Variants in TRIOBP observed in about 807,000 individuals in gnomAD.
The protein encoded by TRIOBP is TRIO and F-actin binding protein.
In TRIOBP, 169 loss-of-function variants were observed where a neutral mutation model predicts 238.8. The observed-to-expected ratio is 0.71, with a 90% CI of 0.62 to 0.80. The LOEUF is 0.80. Among genes scored for constraint, TRIOBP ranks in the 30% least tolerant of loss-of-function variants. The probability of loss-of-function intolerance (pLI) is 0.00; values close to 1 mark genes in which losing one functional copy is unlikely to be tolerated. For missense variants in TRIOBP, 2,838 were observed against 3,122.6 expected, an observed-to-expected ratio of 0.91 and a Z score of 2.17; for synonymous variants, 1,150 against 1,274.4, an observed-to-expected ratio of 0.90 and a Z score of 2.08.
Position 37,734,873 on chromosome 22 carries a change from A to G in TRIOBP, c.4537A>G (p.Thr1513Ala), listed in dbSNP as rs1924591579. 2 of 1,612,936 alleles carry G rather than the reference A, an allele frequency of 1.2e-6. No homozygotes were observed. Among genetic ancestry groups the G allele is most frequent in the Non-Finnish European group, 1.7e-6 (2 of 1,179,988 alleles). The change falls in exon 9 of 24, where the codon ACG becomes GCG. Residue 1513 changes from threonine to alanine, a missense_variant. By Grantham distance (58) the Thr-to-Ala change is moderately conservative (BLOSUM62 0). Coordinates refer to ENST00000644935, the MANE Select transcript of TRIOBP (RefSeq NM_001039141.3). ...AGAACTAGGAAAGAGAAGCCCACTC[A>G]CGAGCCCCCCTGAGAACTGGGGAGG... is the stretch of plus-strand genomic sequence containing the variant. The part of the protein sequence containing the change: ...PRELGKRSPL[T>A]SPPENWGGPA...
chr22:37,763,214 A>G (rs1905176446), intron 17 of TRIOBP, among the ~76,000 whole-genome samples: 1 of 152,126 alleles, frequency 6.6e-6, no homozygotes, highest in Non-Finnish European at 1.5e-5. Context: ...CTCTGTGCAC[A>G]GGGTTCCCGT....
rs1925874173 is a variant in TRIOBP at position 37,755,550 on chromosome 22, A to G, written c.5578A>G (p.Thr1860Ala). The change falls in exon 15 of 24, where the codon ACC becomes GCC. Residue 1860 changes from threonine (T) to alanine (A), a missense_variant and splice_region_variant. This residue lies in a region of TRIOBP where 2,096 missense variants were observed against 2,137.4 expected (regional missense o/e 0.98). Transcript: ENST00000644935. The part of the protein sequence containing the change: ...VQRNYGFQIH[T>A]KDAVYTLSAM... Reference sequence around the variant, plus strand: ...ACCTACCCATGCGGTGGCCTTGCAGACCAAGGATGCTGTCTATACCTTGTC... The same window carrying G: ...ACCTACCCATGCGGTGGCCTTGCAGGCCAAGGATGCTGTCTATACCTTGTC... The G allele has an allele frequency of 6.2e-7, 1 of 1,613,728 alleles. No homozygotes were observed. The highest frequency in any genetic ancestry group is 1.7e-5 in the Admixed American group (1 of 60,028).
chr22:37,734,839 G>A lies in TRIOBP; in HGVS notation c.4503G>A (p.Glu1501=). Residue 1501 remains glutamate (E), a synonymous_variant, in exon 9 of 24, where the codon GAG becomes GAA. Transcript: ENST00000644935. ...PEAWEEKPTH[E]LPRELGKRSP... The stretch of plus-strand genomic sequence containing the variant: ...CCTGGGAGGAGAAGCCCACTCATGA[G>A]CTCCCCAGAGAACTAGGAAAGAGAA... 1 of 1,612,716 alleles carries A rather than the reference G, an allele frequency of 6.2e-7. No individual in the cohort carries two copies. Among genetic ancestry groups the A allele is most frequent in the East Asian group, 2.2e-5 (1 of 44,874 alleles).
chr22:37,755,213 G>A (rs571834331), intron 14 of TRIOBP, 23 bp downstream of exon 14: 148 of 1,602,784 alleles, frequency 9.2e-5, no homozygotes, highest in Non-Finnish European at 1.2e-4. Context: ...GCAGCTTGGG[G>A]GCTGGTGGTG....
At position 37,738,830 on chromosome 22, in the gene TRIOBP, C is replaced by T. The variant is rs950898473; in HGVS notation, c.5184+111C>T. The T allele has an allele frequency of 7.7e-6, 9 of 1,165,832 alleles. No homozygotes were observed. The African/African-American group carries it at 1.4e-4, about 18-fold the overall frequency. The allele number at this position is 1,165,832 out of a possible 1,614,324, so 72.2% of individuals were successfully genotyped here. On this transcript the variant is annotated intron_variant, in intron 10 of 23. Coordinates refer to ENST00000644935, the MANE Select transcript of TRIOBP (RefSeq NM_001039141.3). Reference sequence around the variant, plus strand: ...CTAGAATCAACCAGACCAAAGTTGGCATTGCCATGGGGTCATCTATGTGCA... The same window carrying T: ...CTAGAATCAACCAGACCAAAGTTGGTATTGCCATGGGGTCATCTATGTGCA...
intron 11 of TRIOBP, chr22:37,751,123 C>T: frequency 2.3e-6 from 1 of 435,652 alleles, no homozygotes; most frequent in Non-Finnish European, 4.7e-6. Flanking sequence ...GGGTGCCTGG[C>T]ACAGGTCTCC....
Position 37,711,609 on chromosome 22 carries a change from CAAA to C in TRIOBP, c.254+1050_254+1052del, listed in dbSNP as rs1194726816. On this transcript the variant is annotated intron_variant, in intron 4 of 23. Transcript: ENST00000644935. ...AAAAAAAAACAACAAAAAAAAAAAACAAAAAAAAACCCACAAAAAAACGAAAAA... is the reference window on the plus strand; with the variant it reads ...AAAAAAAAACAACAAAAAAAAAAAACAAAAAACCCACAAAAAAACGAAAAA... Among the ~76,000 whole-genome samples, 97 of 128,232 alleles carry C rather than the reference CAAA, an allele frequency of 7.6e-4. 2 individuals carry two copies. In the Middle Eastern group the frequency reaches 0.015, roughly 20 times the overall value. The allele number at this position is 128,232 out of a possible 152,430, so 84.1% of individuals were successfully genotyped here.
intron 11 of TRIOBP, among the ~76,000 whole-genome samples, chr22:37,745,837 T>C (rs1925195916): frequency 6.6e-6 from 1 of 152,190 alleles, no homozygotes; most frequent in Non-Finnish European, 1.5e-5. Context: ...CGCCGAGCCC[T>C]AGCGGACCCA....
chr22:37,762,082 T>A (rs1275315664), intron 17 of TRIOBP, among the ~76,000 whole-genome samples: 1 of 152,142 alleles, frequency 6.6e-6, no homozygotes, highest in Non-Finnish European at 1.5e-5. Flanking sequence ...TTATTTTAAT[T>A]TTTTTAGAGA....
intron 21 of TRIOBP, among the ~76,000 whole-genome samples, 189 bp from the exon 22 acceptor site, chr22:37,771,461 G>A (rs1436655387): frequency 1.3e-5 from 2 of 152,152 alleles, no homozygotes; most frequent in African/African-American, 4.8e-5. Context: ...GTGAGAGTAA[G>A]GGAAGGCAAA....
Position 37,731,314 on chromosome 22 carries a change from T to A in TRIOBP, c.3948-1984T>A, listed in dbSNP as rs114294257. Among the ~76,000 whole-genome samples the A allele has an allele frequency of 3.5e-3, 524 of 151,452 alleles. 3 individuals are homozygous for A. The highest frequency in any genetic ancestry group is 0.012 in the African/African-American group (490 of 41,270). ...CACCATGCTCGGCTCATTAAAAAAA[T>A]TTTTTTTTCCTAGAACAAGGTCTCA... On this transcript the variant is annotated intron_variant, in intron 7 of 23. Transcript: ENST00000644935.
At chr22:37,704,119 G>A (rs1347649696) in intron 3 of TRIOBP, among the ~76,000 whole-genome samples, 1 of 152,230 alleles carries the variant, frequency 6.6e-6, no homozygotes, top group Admixed American at 6.5e-5. Flanking sequence ...GCCAGGCACA[G>A]TGACTCACTC....
rs1049685591 is a variant in TRIOBP, at chr22:37,723,247, T to A, written c.691T>A (p.Leu231Met). The change falls in exon 7 of 24, where the codon TTG becomes ATG. Residue 231 changes from leucine (L) to methionine (M), a missense_variant. Coordinates refer to ENST00000644935, the MANE Select transcript of TRIOBP (RefSeq NM_001039141.3). The stretch of plus-strand genomic sequence containing the variant: ...GGCAAGGCTCCGGGGAGAAAGCGGG[T>A]TGTCCCTGGAGCGGCACCGGTCAAC... Reference protein sequence around the residue: ...HWARLRGESGLSLERHRSTLT... With the variant: ...HWARLRGESGMSLERHRSTLT... 1.9e-6 allele frequency: 3 copies of A among 1,613,790 alleles called. No homozygotes were observed. The highest frequency in any genetic ancestry group is 2.7e-5 in the African/African-American group (2 of 74,858).
intron 18 of TRIOBP, 23 bp downstream of exon 18, chr22:37,765,840 A>G (rs1313082039): frequency 3.8e-6 from 6 of 1,580,072 alleles, no homozygotes; most frequent in East Asian, 2.3e-5. Context: ...GGGGGGGCAC[A>G]GTGGGCTGGG....
chr22:37,760,462 G>T (rs926311908), intron 17 of TRIOBP: 8 of 152,218 alleles, frequency 5.3e-5, no homozygotes, highest in African/African-American at 1.9e-4. Context: ...TTTCCACCAT[G>T]CGGATACAGT....
rs368169188 is a variant in TRIOBP, at chr22:37,712,957, AAAAT to A, written c.255-214_255-211del. Among the ~76,000 whole-genome samples the A allele has an allele frequency of 0.13, 17,875 of 138,264 alleles. 2,267 individuals are homozygous for A. Among genetic ancestry groups the A allele is most frequent in the African/African-American group, 0.34 (12,105 of 35,796 alleles). The allele number at this position is 138,264 out of a possible 152,430, so 90.7% of individuals were successfully genotyped here. A position where few individuals can be genotyped will look rare whatever the true frequency, so the allele number is the denominator to read the frequency against. On this transcript the variant is annotated intron_variant, in intron 4 of 23. Transcript: ENST00000644935. ...GGGTGACAGAGCGAGACTCTGTCTC[AAAAT>A]AAATAAATAAATAAATAAATAAATA...
intron 20 of TRIOBP, 35 bp from the exon 21 acceptor site, chr22:37,769,227 C>A: frequency 6.2e-7 from 1 of 1,603,136 alleles, no homozygotes; most frequent in South Asian, 1.1e-5. Flanking sequence ...GGGTGGGTCC[C>A]GGCACCCCTC....
intron 12 of TRIOBP, among the ~76,000 whole-genome samples, chr22:37,753,921 C>G (rs1325705971): frequency 6.6e-6 from 1 of 152,124 alleles, no homozygotes; most frequent in East Asian, 1.9e-4. Flanking sequence ...GACCAGAAGC[C>G]CAGAGGTGGG....
chr22:37,757,827 C>T lies in TRIOBP; in HGVS notation c.5902C>T (p.Arg1968Cys), dbSNP rs774618582. 2.4e-5 allele frequency: 37 copies of T among 1,549,506 alleles called. 1 individual carries two copies. Among genetic ancestry groups the T allele is most frequent in the Middle Eastern group, 1.7e-4 (1 of 5,974 alleles). Residue 1968 changes from arginine (R) to cysteine (C), a missense_variant, in exon 16 of 24, where the codon CGC (arginine) becomes TGC (cysteine). Arg to Cys is a radical substitution (Grantham distance 180). This residue lies in a region of TRIOBP where 2,096 missense variants were observed against 2,137.4 expected (regional missense o/e 0.98). Coordinates refer to ENST00000644935, the MANE Select transcript of TRIOBP (RefSeq NM_001039141.3). ...RARTPARTPD[R>C]LAKQEELERD... ...CCGCACCCCAGCCCGCACTCCTGACCGCCTGGCCAAGCAGGAGGAGCTGGA... is the reference window on the plus strand; with the variant it reads ...CCGCACCCCAGCCCGCACTCCTGACTGCCTGGCCAAGCAGGAGGAGCTGGA...
Sources: allele counts gnomAD v4.1 joint callset (sites outside exome capture counted in the v4.1 genomes callset), GRCh38; gene constraint gnomAD v4.1.1; regional missense constraint gnomAD v4.1.1; transcripts MANE v1.5; gene names NCBI Gene and HGNC (gene_info 2026-07-23, HGNC 2026-07-21).